Variants in LAPTM4B observed in about 807,000 individuals in gnomAD.
LAPTM4B encodes lysosomal-associated transmembrane protein 4B.
A neutral mutation model predicts 28.5 loss-of-function variants in LAPTM4B; 26 were observed. That is an observed-to-expected ratio of 0.91 (90% confidence interval 0.67 to 1.27). The LOEUF (loss-of-function observed/expected upper bound fraction) is 1.27, where lower values mean the gene tolerates loss of function less well. Ranked by LOEUF, LAPTM4B falls within the 50% of genes most tolerant of loss-of-function variation. The probability of loss-of-function intolerance (pLI) is 0.00; values close to 1 mark genes in which losing one functional copy is unlikely to be tolerated. For synonymous variants in LAPTM4B, 109 were observed against 106.4 expected, an observed-to-expected ratio of 1.02 and a Z score of -0.15; for missense variants, 288 against 285.8, an observed-to-expected ratio of 1.01 and a Z score of -0.06.
chr8:97,820,320 T>TTTTTTGG (rs1816985386), intron 5 of LAPTM4B, among the ~76,000 whole-genome samples: 1 of 149,860 alleles, frequency 6.7e-6, no homozygotes, highest in Non-Finnish European at 1.5e-5. Context: ...TTTTTTTTTT[T>TTTTTTGG]GAGGTAGGGT....
At chr8:97,820,304 C>CT (rs71570268) in intron 5 of LAPTM4B, among the ~76,000 whole-genome samples, 3,469 of 128,252 alleles carry the variant, frequency 0.027, 83 homozygotes, top group Middle Eastern at 0.048. Context: ...TTCTTTCTTT[C>CT]TTTTTTTTTT....
intron 6 of LAPTM4B, among the ~76,000 whole-genome samples, 176 bp downstream of exon 6, chr8:97,825,329 A>T (rs1308469300): frequency 6.6e-6 from 1 of 152,218 alleles, no homozygotes; most frequent in Non-Finnish European, 1.5e-5. Flanking sequence ...ATGAAGTTAA[A>T]TGTATTTTGT....
At chr8:97,849,892 C>T (rs1316380818) in intron 6 of LAPTM4B, among the ~76,000 whole-genome samples, 2 of 148,212 alleles carry the variant, frequency 1.3e-5, no homozygotes, top group Admixed American at 6.7e-5. Context: ...GGGCCCAGTG[C>T]GAGCGGAGAC....
At chr8:97,789,525 ATT>A (rs113511742) in intron 1 of LAPTM4B, among the ~76,000 whole-genome samples, 45 of 130,774 alleles carry the variant, frequency 3.4e-4, no homozygotes, top group Non-Finnish European at 3.1e-4. Context: ...TACCTGGCTA[ATT>A]TTTTTTTTTT....
intron 1 of LAPTM4B, among the ~76,000 whole-genome samples, chr8:97,785,051 G>T (rs1231268694): frequency 6.6e-6 from 1 of 151,988 alleles, no homozygotes; most frequent in Non-Finnish European, 1.5e-5. Flanking sequence ...GGTTGGTGGA[G>T]ATTTCAGTGG....
intron 1 of LAPTM4B, among the ~76,000 whole-genome samples, chr8:97,783,951 G>A (rs1816364378): frequency 6.6e-6 from 1 of 152,172 alleles, no homozygotes; most frequent in South Asian, 2.1e-4. Flanking sequence ...AGACTCAAAT[G>A]ATCAAACCTT....
rs1186396406 is a variant in LAPTM4B, at chr8:97,800,506, T to TC, written c.100-4847_100-4846insC. ...CCTCTTTTTTTTTTTTTTTTTTTTT[T>TC]TTTTTGGAGATGGAGTTTTCGCTTT... On this transcript the variant is annotated intron_variant, in intron 1 of 6. Transcript: ENST00000521545. 2.2e-4 allele frequency among the ~76,000 whole-genome samples: 22 copies of TC among 100,794 alleles called. No individual in the cohort carries two copies. In the Admixed American group the frequency reaches 2.3e-3, roughly 11 times the overall value. 66.1% of individuals were successfully genotyped at this position (100,794 alleles called of 152,430 possible). A position where few individuals can be genotyped will look rare whatever the true frequency, so the allele number is the denominator to read the frequency against.
At chr8:97,836,445 T>C (rs1397169456) in intron 6 of LAPTM4B, among the ~76,000 whole-genome samples, 3 of 152,162 alleles carry the variant, frequency 2.0e-5, no homozygotes. Flanking sequence ...CCTCCCAAAG[T>C]GCTGGGATTA....
intron 1 of LAPTM4B, among the ~76,000 whole-genome samples, chr8:97,789,274 C>A (rs1231966769): frequency 6.6e-6 from 1 of 151,480 alleles, no homozygotes; most frequent in Admixed American, 6.6e-5. Context: ...GGGGTTTCAC[C>A]ATGTTGGCCA....
chr8:97,833,091 C>T (rs35544354), intron 6 of LAPTM4B, among the ~76,000 whole-genome samples: 70,832 of 150,454 alleles, frequency 0.47, 16,892 homozygotes, highest in East Asian at 0.58. Flanking sequence ...CCCAGCACTT[C>T]GGGAGGCCGA....
intron 6 of LAPTM4B, among the ~76,000 whole-genome samples, chr8:97,828,228 G>A (rs1490094993): frequency 3.3e-5 from 5 of 152,156 alleles, no homozygotes; most frequent in Non-Finnish European, 4.4e-5. Context: ...GGGATGATGG[G>A]AGATTTTTCT....
Position 97,783,543 on chromosome 8 carries a change from G to A in LAPTM4B, c.99+7435G>A, listed in dbSNP as rs560294578. Reference sequence around the variant, plus strand: ...CTGCATTAGTGAAATAAACAGCCAGGCTTTCTCTGAGCACACCTCCCCACC... The same window carrying A: ...CTGCATTAGTGAAATAAACAGCCAGACTTTCTCTGAGCACACCTCCCCACC... On this transcript the variant is annotated intron_variant, in intron 1 of 6. Coordinates refer to ENST00000521545, the MANE Select transcript of LAPTM4B (RefSeq NM_018407.6). Among the ~76,000 whole-genome samples the A allele has an allele frequency of 1.2e-3, 178 of 152,296 alleles. 2 individuals carry two copies. The highest frequency in any genetic ancestry group is 3.8e-3 in the African/African-American group (159 of 41,570).
chr8:97,783,790 ATTC>A (rs1307622652), intron 1 of LAPTM4B, among the ~76,000 whole-genome samples: 6 of 152,116 alleles, frequency 3.9e-5, no homozygotes, highest in African/African-American at 1.4e-4. Flanking sequence ...CTAAACCCCT[ATTC>A]TTTCTGTAAC....
intron 1 of LAPTM4B, among the ~76,000 whole-genome samples, chr8:97,784,723 C>A (rs748010512): frequency 2.6e-5 from 4 of 152,202 alleles, no homozygotes; most frequent in Non-Finnish European, 5.9e-5. Context: ...CAGGCATGAG[C>A]CACCACGCCT....
At chr8:97,817,589 C>T (rs778083059) in intron 4 of LAPTM4B, among the ~76,000 whole-genome samples, 2 of 151,362 alleles carry the variant, frequency 1.3e-5, no homozygotes, top group Non-Finnish European at 1.5e-5. Flanking sequence ...GCTGGGATTA[C>T]AGGCACCCGC....
At chr8:97,799,858 A>G (rs577387254) in intron 1 of LAPTM4B, among the ~76,000 whole-genome samples, 1 of 152,200 alleles carries the variant, frequency 6.6e-6, no homozygotes, top group East Asian at 1.9e-4. Flanking sequence ...CGTTCCAGCC[A>G]CATTGAACTT....
intron 1 of LAPTM4B, among the ~76,000 whole-genome samples, chr8:97,791,871 G>T (rs1028306094): frequency 6.6e-6 from 1 of 152,128 alleles, no homozygotes; most frequent in South Asian, 2.1e-4. Flanking sequence ...TAGGGAGGCA[G>T]CACTGTTTTT....
chr8:97,810,340 A>G (rs1816808254), intron 2 of LAPTM4B, among the ~76,000 whole-genome samples: 1 of 152,192 alleles, frequency 6.6e-6, no homozygotes, highest in South Asian at 2.1e-4. Flanking sequence ...TGGAAAAGAA[A>G]AAGGACATTG....
intron 6 of LAPTM4B, among the ~76,000 whole-genome samples, chr8:97,834,020 TA>T (rs1227859958): frequency 6.6e-6 from 1 of 151,820 alleles, no homozygotes; most frequent in Non-Finnish European, 1.5e-5. Context: ...TGTTTTAAAG[TA>T]ATAAATGAAC....
Sources: gnomAD v4.1 joint callset for allele counts (sites outside exome capture counted in the v4.1 genomes callset) on GRCh38, gnomAD v4.1.1 for gene constraint, MANE v1.5 for transcripts, NCBI Gene and HGNC (gene_info 2026-07-23, HGNC 2026-07-21) for gene names.